Variants in ZNF385D observed in about 807,000 individuals in gnomAD.
ZNF385D encodes zinc finger protein 659.
Under a neutral mutation model 35.8 loss-of-function variants are expected in ZNF385D, and 15 were observed. The observed-to-expected ratio is 0.42, with a 90% CI of 0.28 to 0.64. The LOEUF (loss-of-function observed/expected upper bound fraction) is 0.64, where lower values mean the gene tolerates loss of function less well. Among genes scored for constraint, ZNF385D ranks in the 30% least tolerant of loss-of-function variants. The pLI, the probability that ZNF385D is intolerant of heterozygous loss-of-function variation, is 0.23. For missense variants in ZNF385D, 474 were observed against 494.6 expected (o/e 0.96, Z 0.39); for synonymous variants, 212 against 186.8 (o/e 1.13, Z -1.10).
At chr3:22,329,883 T>C (rs544639066) in intron 2 of ZNF385D, among the ~76,000 whole-genome samples, 110 of 152,334 alleles carry the variant, frequency 7.2e-4, no homozygotes, top group Admixed American at 2.3e-3. Flanking sequence ...CCTTGAAATA[T>C]GGTATGTGTT....
At chr3:21,570,515 A>G (rs1192615005) in intron 2 of ZNF385D, among the ~76,000 whole-genome samples, 1 of 152,164 alleles carries the variant, frequency 6.6e-6, no homozygotes, top group Non-Finnish European at 1.5e-5. Context: ...CAGTTCTTAA[A>G]CCAAAGAATA....
chr3:21,757,454 T>C (rs1162421882), intron 3 of ZNF385D, among the ~76,000 whole-genome samples: 19 of 152,150 alleles, frequency 1.2e-4, no homozygotes, highest in Admixed American at 1.2e-3. Flanking sequence ...AAATTTATTA[T>C]ATATGTGACT....
At chr3:21,877,050 A>G (rs1698014766) in intron 3 of ZNF385D, among the ~76,000 whole-genome samples, 1 of 152,060 alleles carries the variant, frequency 6.6e-6, no homozygotes, top group African/African-American at 2.4e-5. Context: ...AAACACCATT[A>G]CTGTGAACCC....
At chr3:21,625,401 A>G (rs550393130) in intron 2 of ZNF385D, among the ~76,000 whole-genome samples, 1 of 152,166 alleles carries the variant, frequency 6.6e-6, no homozygotes, top group Admixed American at 6.6e-5. Flanking sequence ...GGTGCTAAAG[A>G]TTTTTGGCCT....
intron 3 of ZNF385D, among the ~76,000 whole-genome samples, chr3:22,120,360 T>C (rs369203749): frequency 6.6e-6 from 1 of 152,280 alleles, no homozygotes. Context: ...ACATTTTCTT[T>C]GTGTGCTGCA....
At chr3:21,428,030 T>C (rs1233971502) in intron 5 of ZNF385D, among the ~76,000 whole-genome samples, 6 of 152,138 alleles carry the variant, frequency 3.9e-5, no homozygotes, top group Non-Finnish European at 4.4e-5. Context: ...ATACATTTAG[T>C]AAGATATTGT....
At chr3:22,031,578 C>T (rs540389462) in intron 3 of ZNF385D, among the ~76,000 whole-genome samples, 1 of 152,284 alleles carries the variant, frequency 6.6e-6, no homozygotes, top group Admixed American at 6.5e-5. Flanking sequence ...CTGCACAGAG[C>T]AGCGTGTCCC....
intron 2 of ZNF385D, among the ~76,000 whole-genome samples, chr3:21,649,069 T>A (rs960760898): frequency 1.3e-5 from 2 of 152,160 alleles, no homozygotes; most frequent in South Asian, 4.1e-4. Flanking sequence ...ATCTTGATAC[T>A]CAATATGTGG....
chr3:21,568,380 T>C (rs1482000587), intron 2 of ZNF385D, among the ~76,000 whole-genome samples: 1 of 152,190 alleles, frequency 6.6e-6, no homozygotes. Context: ...TCTAAACTTA[T>C]CTTTATTTAC....
chr3:22,092,480 G>T (rs1396284923), intron 3 of ZNF385D, among the ~76,000 whole-genome samples: 1 of 152,088 alleles, frequency 6.6e-6, no homozygotes, highest in Non-Finnish European at 1.5e-5. Context: ...ATCTGTGGAT[G>T]GCTTCTACTG....
At chr3:21,964,272 G>C (rs1702755012) in intron 3 of ZNF385D, among the ~76,000 whole-genome samples, 1 of 151,036 alleles carries the variant, frequency 6.6e-6, no homozygotes, top group African/African-American at 2.4e-5. Flanking sequence ...ACTGAAATTG[G>C]CATCATTGTA....
Position 21,758,213 on chromosome 3 carries a change from C to T in ZNF385D, c.326-93185G>A, listed in dbSNP as rs550034045. Among the ~76,000 whole-genome samples, 46 of 152,276 alleles carry T rather than the reference C, an allele frequency of 3.0e-4. 1 individual carries two copies. In the Middle Eastern group the frequency reaches 0.01, roughly 34 times the overall value. On this transcript the variant is annotated intron_variant, in intron 3 of 5. Transcript: ENST00000494108. The stretch of plus-strand genomic sequence containing the variant: ...GATCTGTTAAGTTGTTGCTATCCCT[C>T]CAGAAGAATGAAGGCTCTTATGAGT...
chr3:21,690,883 C>T (rs1416694351), intron 1 of ZNF385D, among the ~76,000 whole-genome samples: 1 of 152,150 alleles, frequency 6.6e-6, no homozygotes, highest in Admixed American at 6.5e-5. Flanking sequence ...TATCCACTTG[C>T]CATCACCCTG....
intron 3 of ZNF385D, among the ~76,000 whole-genome samples, chr3:21,806,838 A>T (rs1345802342): frequency 2.0e-5 from 3 of 152,238 alleles, no homozygotes; most frequent in East Asian, 3.8e-4. Flanking sequence ...AAAGAGTGAA[A>T]CTTCAGACTT....
chr3:21,549,180 TAATAA>T (rs1374923980), intron 3 of ZNF385D, among the ~76,000 whole-genome samples: 2 of 152,180 alleles, frequency 1.3e-5, no homozygotes, highest in African/African-American at 2.4e-5. Flanking sequence ...AATACAAACT[TAATAA>T]AGATTTCTCC....
At chr3:21,620,179 T>C (rs1395888834) in intron 2 of ZNF385D, among the ~76,000 whole-genome samples, 2 of 152,138 alleles carry the variant, frequency 1.3e-5, no homozygotes, top group Non-Finnish European at 2.9e-5. Context: ...ACACCAGAAA[T>C]AGTCAGCGAT....
chr3:21,698,730 TAA>T (rs35404360), intron 1 of ZNF385D, among the ~76,000 whole-genome samples: 1,814 of 146,420 alleles, frequency 0.012, 34 homozygotes, highest in African/African-American at 0.042. Context: ...CCAACAAACA[TAA>T]AAAAAAAAAG....
Position 21,520,565 on chromosome 3 carries a change from A to G in ZNF385D, c.277-9542T>C, listed in dbSNP as rs189755134. On this transcript the variant is annotated intron_variant, in intron 3 of 7. Coordinates refer to ENST00000281523, the MANE Select transcript of ZNF385D (RefSeq NM_024697.3). ...TTAATGCTGGAAAACCATCTGGCAC[A>G]AACACAAACTATTATTTTTTCTCTG... Among the ~76,000 whole-genome samples the G allele has an allele frequency of 9.2e-5, 14 of 152,326 alleles. No individual in the cohort carries two copies. In the East Asian group the frequency reaches 2.7e-3, roughly 29 times the overall value.
At chr3:21,499,936 C>A (rs10865771) in intron 4 of ZNF385D, among the ~76,000 whole-genome samples, 39,547 of 152,060 alleles carry the variant, frequency 0.26, 5,305 homozygotes, top group Non-Finnish European at 0.28. Flanking sequence ...CAGATTTAAA[C>A]CCATACCCAT....
Sources: gnomAD v4.1 joint callset for allele counts (sites outside exome capture counted in the v4.1 genomes callset) on GRCh38, gnomAD v4.1.1 for gene constraint, MANE v1.5 for transcripts, NCBI Gene and HGNC (gene_info 2026-07-23, HGNC 2026-07-21) for gene names.